Variants in WDPCP observed in about 807,000 individuals in gnomAD.
The protein encoded by WDPCP is WD repeat containing planar cell polarity effector, also known as WD repeat-containing and planar cell polarity effector protein fritz homolog.
In WDPCP, 71 loss-of-function variants were observed where a neutral mutation model predicts 93.1. That is an observed-to-expected ratio of 0.76 (90% CI 0.63 to 0.93). The LOEUF (loss-of-function observed/expected upper bound fraction) is 0.93. Among genes scored for constraint, WDPCP ranks in the 40% least tolerant of loss-of-function variants. The pLI, the probability that WDPCP is intolerant of heterozygous loss-of-function variation, is 0.00. For synonymous variants in WDPCP, 315 were observed against 315.0 expected, an observed-to-expected ratio of 1.00 and a Z score of 0.00; for missense variants, 844 against 887.4, an observed-to-expected ratio of 0.95 and a Z score of 0.62.
At chr2:63,535,807 G>A (rs1361736600) in intron 1 of WDPCP, among the ~76,000 whole-genome samples, 1 of 152,152 alleles carries the variant, frequency 6.6e-6, no homozygotes, top group Non-Finnish European at 1.5e-5. Context: ...CATGGGCAAG[G>A]ACTTCATATC....
intron 9 of WDPCP, among the ~76,000 whole-genome samples, chr2:63,411,384 T>G (rs1015466192): frequency 1.3e-5 from 2 of 152,160 alleles, no homozygotes; most frequent in East Asian, 1.9e-4. Context: ...GCAAAGGTGG[T>G]GCTAAGAGGA....
intron 2 of WDPCP, among the ~76,000 whole-genome samples, chr2:63,669,164 C>A (rs541861954): frequency 3.3e-5 from 5 of 152,238 alleles, no homozygotes; most frequent in African/African-American, 1.2e-4. Flanking sequence ...GAGAAAGATT[C>A]GTCATTAGCT....
At chr2:63,540,906 G>A (rs2106303266) in intron 1 of WDPCP, among the ~76,000 whole-genome samples, 1 of 151,678 alleles carries the variant, frequency 6.6e-6, no homozygotes, top group South Asian at 2.1e-4. Flanking sequence ...ACAATATCTG[G>A]CTAATTTTTG....
chr2:63,212,146 A>T (rs941063195), intron 14 of WDPCP, among the ~76,000 whole-genome samples: 1 of 152,158 alleles, frequency 6.6e-6, no homozygotes, highest in Non-Finnish European at 1.5e-5. Context: ...GAGAAGAGCA[A>T]CTCCAGGACA....
chr2:63,273,323 C>T (rs1456951093), intron 13 of WDPCP, among the ~76,000 whole-genome samples: 1 of 151,774 alleles, frequency 6.6e-6, no homozygotes, highest in African/African-American at 2.4e-5. Context: ...ACTGGTAGAG[C>T]AGACACACAA....
intron 13 of WDPCP, among the ~76,000 whole-genome samples, chr2:63,298,984 C>G (rs1196222136): frequency 6.6e-6 from 1 of 152,148 alleles, no homozygotes; most frequent in East Asian, 1.9e-4. Context: ...TGGGCACTTC[C>G]TTGAGGAGGA....
intron 3 of WDPCP, chr2:63,599,062 C>A: frequency 2.0e-6 from 2 of 1,021,572 alleles, no homozygotes; most frequent in Non-Finnish European, 2.8e-6. Flanking sequence ...GTTTCCCAAG[C>A]CTCCCCTGTA....
At chr2:63,701,503 T>C (rs1263950341) in intron 2 of WDPCP, among the ~76,000 whole-genome samples, 1 of 152,206 alleles carries the variant, frequency 6.6e-6, no homozygotes, top group Non-Finnish European at 1.5e-5. Context: ...TAGTTATATA[T>C]AGCCAAAAGA....
chr2:63,825,363 G>A (rs374044409), intron 1 of WDPCP, among the ~76,000 whole-genome samples: 18 of 152,214 alleles, frequency 1.2e-4, no homozygotes, highest in East Asian at 3.9e-4. Context: ...TGGAAATAAT[G>A]TTTTATATAG....
chr2:63,119,878 T>C lies in WDPCP; in HGVS notation c.*2128A>G, dbSNP rs1252506132. Among the ~76,000 whole-genome samples, 1 of 152,228 alleles carries C rather than the reference T, an allele frequency of 6.6e-6. No homozygotes were observed. Among genetic ancestry groups the C allele is most frequent in the Non-Finnish European group, 1.5e-5 (1 of 68,032 alleles). ...GGGAAATAACAGCATTTATAAATCATGGACATTATCAAAGATCATTCATAA... is the reference window on the plus strand; with the variant it reads ...GGGAAATAACAGCATTTATAAATCACGGACATTATCAAAGATCATTCATAA... On this transcript the variant is annotated 3_prime_UTR_variant, in exon 18 of 18. Transcript: ENST00000272321.
chr2:63,367,962 A>T (rs959918390), intron 12 of WDPCP, among the ~76,000 whole-genome samples: 2 of 152,222 alleles, frequency 1.3e-5, no homozygotes, highest in African/African-American at 4.8e-5. Context: ...GCCCACAAAC[A>T]ATGTGATCTT....
chr2:63,212,203 AG>A (rs1247766942), intron 14 of WDPCP, among the ~76,000 whole-genome samples: 10 of 152,212 alleles, frequency 6.6e-5, no homozygotes, highest in Non-Finnish European at 2.9e-5. Flanking sequence ...AAAAATGTTA[AG>A]GGCAACCAGA....
At chr2:63,526,632 A>T (rs191523756) in intron 1 of WDPCP, among the ~76,000 whole-genome samples, 58 of 152,332 alleles carry the variant, frequency 3.8e-4, no homozygotes, top group Middle Eastern at 6.8e-3. Context: ...TTCCTGCTTC[A>T]GAGCCTTTGT....
intron 15 of WDPCP, among the ~76,000 whole-genome samples, chr2:63,172,086 G>T (rs1336759921): frequency 6.6e-6 from 1 of 152,160 alleles, no homozygotes; most frequent in Non-Finnish European, 1.5e-5. Context: ...GGGGGTGATG[G>T]AAATGCTCTA....
chr2:63,335,893 A>T (rs1447896252), intron 12 of WDPCP, among the ~76,000 whole-genome samples: 1 of 152,128 alleles, frequency 6.6e-6, no homozygotes, highest in South Asian at 2.1e-4. Context: ...GTCAGACAAA[A>T]CCTGCCAAAA....
intron 2 of WDPCP, among the ~76,000 whole-genome samples, chr2:63,796,988 C>G (rs1670626530): frequency 6.6e-6 from 1 of 152,026 alleles, no homozygotes; most frequent in Non-Finnish European, 1.5e-5. Context: ...GGACTTTGTC[C>G]TGCCACTTGG....
At chr2:63,228,696 C>T (rs1482528428) in intron 14 of WDPCP, 1 of 151,100 alleles carries the variant, frequency 6.6e-6, no homozygotes, top group African/African-American at 2.4e-5. Context: ...GGTTTTTTGT[C>T]CTTGCGGTAG....
chr2:63,319,979 G>T (rs768879298), intron 12 of WDPCP, among the ~76,000 whole-genome samples: 12 of 152,006 alleles, frequency 7.9e-5, no homozygotes, highest in Non-Finnish European at 1.6e-4. Context: ...AGTCAAAGAA[G>T]AAATCATAAT....
At chr2:63,553,941 A>T (rs1274532773) in intron 1 of WDPCP, among the ~76,000 whole-genome samples, 2 of 152,168 alleles carry the variant, frequency 1.3e-5, no homozygotes, top group African/African-American at 4.8e-5. Flanking sequence ...TTGATATGTC[A>T]GTGTGTATTT....
Sources: allele counts gnomAD v4.1 joint callset (sites outside exome capture counted in the v4.1 genomes callset), GRCh38; gene constraint gnomAD v4.1.1; transcripts MANE v1.5; gene names NCBI Gene and HGNC (gene_info 2026-07-23, HGNC 2026-07-21).